DAPK2: variants seen among roughly 807,000 people sequenced by gnomAD.
DAPK2 encodes death associated protein kinase 2.
In DAPK2, 35 loss-of-function variants were observed where a neutral mutation model predicts 44.1. The ratio of observed to expected loss-of-function variants is 0.79; its 90% confidence interval spans 0.61 to 1.05. DAPK2 has a LOEUF of 1.05. Among genes scored for constraint, DAPK2 ranks in the 50% least tolerant of loss-of-function variants. DAPK2 has a pLI of 0.00. For synonymous variants in DAPK2, 174 were observed against 182.6 expected (o/e 0.95, Z 0.38); for missense variants, 453 against 483.2 (o/e 0.94, Z 0.59).
chr15:63,920,092 A>G (rs1210758189), intron 8 of DAPK2: 6 of 152,186 alleles, frequency 3.9e-5, no homozygotes, highest in African/African-American at 2.4e-5. Flanking sequence ...GTCAGGAGGC[A>G]TCTCCCAGAT....
intron 3 of DAPK2, among the ~76,000 whole-genome samples, chr15:63,960,451 A>C (rs2140626874): frequency 6.6e-6 from 1 of 152,138 alleles, no homozygotes; most frequent in South Asian, 2.1e-4. Context: ...TTAGGGTGTC[A>C]ATTTTAGATC....
At chr15:63,963,601 G>A (rs1488282514) in intron 3 of DAPK2, among the ~76,000 whole-genome samples, 1 of 152,046 alleles carries the variant, frequency 6.6e-6, no homozygotes, top group Non-Finnish European at 1.5e-5. Flanking sequence ...TTTATTTCTG[G>A]TTGTTTTGTT....
intron 1 of DAPK2, among the ~76,000 whole-genome samples, chr15:64,029,158 G>C (rs1391020196): frequency 2.1e-5 from 3 of 141,822 alleles, no homozygotes; most frequent in Non-Finnish European, 4.5e-5. Flanking sequence ...AGCTCTTACA[G>C]TTTCCATAAT....
Position 63,941,327 on chromosome 15 carries a change from T to C in DAPK2, c.454-1966A>G, listed in dbSNP as rs375034869. The stretch of plus-strand genomic sequence containing the variant: ...GGCCCCACCAGGCTTATTTGAACCT[T>C]TCTGTGATGACATTTGGCATGCTTT... On this transcript the variant is annotated intron_variant, in intron 3 of 10. Transcript: ENST00000261891. Among the ~76,000 whole-genome samples the C allele has an allele frequency of 1.1e-3, 170 of 152,302 alleles. 1 individual carries two copies. The highest frequency in any genetic ancestry group is 3.9e-3 in the African/African-American group (164 of 41,574).
At chr15:64,011,882 G>C (rs1450564105) in intron 1 of DAPK2, among the ~76,000 whole-genome samples, 1 of 152,152 alleles carries the variant, frequency 6.6e-6, no homozygotes, top group Non-Finnish European at 1.5e-5. Flanking sequence ...CTCTAAGTGG[G>C]AGAAATTCCA....
intron 1 of DAPK2, among the ~76,000 whole-genome samples, chr15:64,024,339 A>G (rs79761068): frequency 6.6e-6 from 1 of 152,308 alleles, no homozygotes; most frequent in African/African-American, 2.4e-5. Flanking sequence ...GGCCTAGGGC[A>G]TGGAGGAAGA....
At position 64,046,305 on chromosome 15, in the gene DAPK2, G is replaced by A; in HGVS notation, c.-14C>T. The A allele has an allele frequency of 1.0e-6, 1 of 982,128 alleles. No homozygotes were observed. Among genetic ancestry groups the A allele is most frequent in the Non-Finnish European group, 1.2e-6 (1 of 828,412 alleles). 60.8% of individuals were successfully genotyped at this position (982,128 alleles called of 1,614,324 possible). A position where few individuals can be genotyped will look rare whatever the true frequency, so the allele number is the denominator to read the frequency against. ...CAGACGGGTGCTACTCACGGCGGGA[G>A]GCTGAGCTGCCGCGGTCGCGGCCGC... On this transcript the variant is annotated 5_prime_UTR_variant, in exon 1 of 12. Coordinates refer to the DAPK2 transcript ENST00000457488. This position sits in a 1 kb window ranked among gnomAD's most constrained non-coding sequence, Gnocchi z 5.3.
chr15:63,945,057 G>C (rs771913248), intron 3 of DAPK2, among the ~76,000 whole-genome samples: 5 of 152,220 alleles, frequency 3.3e-5, no homozygotes, highest in Non-Finnish European at 7.4e-5. Flanking sequence ...TCTAAAAAAA[G>C]AGATGAGATG....
chr15:63,925,679 C>T (rs1157622141), intron 7 of DAPK2, among the ~76,000 whole-genome samples: 4 of 37,612 alleles, frequency 1.1e-4, no homozygotes, highest in Non-Finnish European at 1.9e-4. Flanking sequence ...ACTTGTAGCG[C>T]ACACACACAC....
chr15:63,984,604 T>C (rs937331365), intron 1 of DAPK2, among the ~76,000 whole-genome samples: 1 of 152,188 alleles, frequency 6.6e-6, no homozygotes, highest in African/African-American at 2.4e-5. Flanking sequence ...CCTCAGAGAC[T>C]TCCCAGTGAC....
intron 3 of DAPK2, among the ~76,000 whole-genome samples, chr15:63,947,879 T>G (rs1047384253): frequency 7.2e-5 from 11 of 152,180 alleles, no homozygotes; most frequent in African/African-American, 2.7e-4. Flanking sequence ...TCTCCATTCA[T>G]GCAACAAGCT....
At chr15:64,017,931 A>C (rs1041389490) in intron 1 of DAPK2, among the ~76,000 whole-genome samples, 1 of 152,130 alleles carries the variant, frequency 6.6e-6, no homozygotes, top group African/African-American at 2.4e-5. Context: ...AAAATTGCAA[A>C]ATCCTATATG....
chr15:64,027,098 A>C (rs1363895770), intron 1 of DAPK2, among the ~76,000 whole-genome samples: 1 of 151,982 alleles, frequency 6.6e-6, no homozygotes, highest in East Asian at 1.9e-4. Flanking sequence ...ATAAAACATG[A>C]GGCCAGGTGC....
At chr15:63,993,541 A>G (rs2140922077) in intron 1 of DAPK2, among the ~76,000 whole-genome samples, 1 of 152,032 alleles carries the variant, frequency 6.6e-6, no homozygotes, top group Non-Finnish European at 1.5e-5. Flanking sequence ...TTAGCCATCT[A>G]GGATGGATGG....
chr15:63,948,080 C>T (rs1287895230), intron 3 of DAPK2, among the ~76,000 whole-genome samples: 1 of 152,064 alleles, frequency 6.6e-6, no homozygotes, highest in East Asian at 1.9e-4. Flanking sequence ...CCAGCCTGGC[C>T]AACATAGCGA....
At chr15:63,997,923 A>T (rs960523642) in intron 1 of DAPK2, among the ~76,000 whole-genome samples, 3 of 152,148 alleles carry the variant, frequency 2.0e-5, no homozygotes, top group Non-Finnish European at 4.4e-5. Context: ...ATAAGCTATG[A>T]TGATTTCATG....
In DAPK2 at chr15:63,923,241, G is replaced by T; in HGVS notation, c.858+1575C>A. Reference sequence around the variant, plus strand: ...AAGTTGACATAGGAGTTGTTGGGAGGCATGCTTGAGTGGCATTTGAGAGTG... The same window carrying T: ...AAGTTGACATAGGAGTTGTTGGGAGTCATGCTTGAGTGGCATTTGAGAGTG... On this transcript the variant is annotated intron_variant, in intron 8 of 10. Coordinates refer to ENST00000261891, the Ensembl canonical transcript of DAPK2. The surrounding 1 kb of genome is among the most constrained non-coding windows in gnomAD (Gnocchi z 4.2). 6.5e-7 allele frequency: 1 copy of T among 1,535,914 alleles called. No homozygotes were observed. The highest frequency in any genetic ancestry group is 8.7e-7 in the Non-Finnish European group (1 of 1,146,746).
rs560964315 is a variant in DAPK2 at position 63,966,782 on chromosome 15, A to G, written c.453+4641T>C. On this transcript the variant is annotated intron_variant, in intron 3 of 10. Coordinates refer to ENST00000261891, the Ensembl canonical transcript of DAPK2. The surrounding 1 kb of genome is among the most constrained non-coding windows in gnomAD (Gnocchi z 5.5). ...CCCCAAGTGCACAGGTTCTTTCTCC[A>G]TGCAACATGGCTGCTGCCAGAAGAT... Among the ~76,000 whole-genome samples, 2 of 152,262 alleles carry G rather than the reference A, an allele frequency of 1.3e-5. No individual in the cohort carries two copies. The highest frequency in any genetic ancestry group is 4.8e-5 in the African/African-American group (2 of 41,554).
chr15:64,039,559 A>G (rs2080301162), intron 1 of DAPK2, among the ~76,000 whole-genome samples: 2 of 152,244 alleles, frequency 1.3e-5, no homozygotes, highest in African/African-American at 4.8e-5. Context: ...GCTGGTAGAA[A>G]TGGAAGGCAA....
Sources: allele counts gnomAD v4.1 joint callset (sites outside exome capture counted in the v4.1 genomes callset), GRCh38; gene constraint gnomAD v4.1.1; non-coding constraint Gnocchi (gnomAD v3.1); transcripts MANE v1.5; gene names NCBI Gene and HGNC (gene_info 2026-07-23, HGNC 2026-07-21).